MVB12B: variants seen among roughly 807,000 people sequenced by gnomAD.
The protein encoded by MVB12B is ESCRT-I complex subunit MVB12B.
In MVB12B, 16 loss-of-function variants were observed where a neutral mutation model predicts 41.6. That is an observed-to-expected ratio of 0.38 (90% CI 0.26 to 0.58). The LOEUF (loss-of-function observed/expected upper bound fraction) is 0.58. MVB12B is among the 20% of genes least tolerant of loss of function. MVB12B has a pLI of 0.62. For synonymous variants in MVB12B, 133 were observed against 139.7 expected (o/e 0.95, Z 0.34); for missense variants, 274 against 380.2 (o/e 0.72, Z 2.32).
At chr9:126,352,111 A>G (rs977793043) in intron 2 of MVB12B, among the ~76,000 whole-genome samples, 1 of 152,188 alleles carries the variant, frequency 6.6e-6, no homozygotes, top group Non-Finnish European at 1.5e-5. Flanking sequence ...CAGATTGTTA[A>G]GAATTTTTTT....
Position 126,451,203 on chromosome 9 carries a change from G to A in MVB12B, c.757+29255G>A, listed in dbSNP as rs575214658. Among the ~76,000 whole-genome samples, 9 of 152,328 alleles carry A rather than the reference G, an allele frequency of 5.9e-5. No individual in the cohort carries two copies. The South Asian group carries it at 1.5e-3, about 25-fold the overall frequency. ...GGGAGTCAGGCCCTTCACCATCTGG[G>A]CCTCAGCGTCTTTGACTGTAGAAAC... On this transcript the variant is annotated intron_variant, in intron 7 of 9. Transcript: ENST00000361171.
At chr9:126,421,095 C>T (rs1324194142) in intron 6 of MVB12B, among the ~76,000 whole-genome samples, 1 of 152,104 alleles carries the variant, frequency 6.6e-6, no homozygotes, top group Non-Finnish European at 1.5e-5. Flanking sequence ...TTCCTATTCG[C>T]TTAATTTTTC....
At position 126,424,819 on chromosome 9, in the gene MVB12B, C is replaced by T. The variant is rs78265631; in HGVS notation, c.757+2871C>T. ...CCACGGCCACAAAGCCAGCATCCAT[C>T]CTCACACTTGTCCTAGCAGTATCTC... On this transcript the variant is annotated intron_variant, in intron 7 of 9. Transcript: ENST00000361171. 4.6e-3 allele frequency among the ~76,000 whole-genome samples: 704 copies of T among 152,366 alleles called. 3 individuals carry two copies. The highest frequency in any genetic ancestry group is 0.016 in the African/African-American group (656 of 41,590).
At chr9:126,470,884 G>T (rs1474243785) in intron 7 of MVB12B, among the ~76,000 whole-genome samples, 1 of 152,146 alleles carries the variant, frequency 6.6e-6, no homozygotes, top group African/African-American at 2.4e-5. Flanking sequence ...GTAGAAAAAG[G>T]TCAACCGTGA....
At chr9:126,401,949 A>G (rs1472909001) in intron 6 of MVB12B, among the ~76,000 whole-genome samples, 1 of 152,234 alleles carries the variant, frequency 6.6e-6, no homozygotes, top group Non-Finnish European at 1.5e-5. Flanking sequence ...CCCAGATGAC[A>G]TGTCACCTGT....
intron 9 of MVB12B, among the ~76,000 whole-genome samples, chr9:126,487,716 G>A (rs1045640285): frequency 3.3e-5 from 5 of 149,934 alleles, no homozygotes; most frequent in African/African-American, 9.8e-5. Context: ...GCAGTGAGCC[G>A]AGATTGCACC....
intron 7 of MVB12B, among the ~76,000 whole-genome samples, chr9:126,470,964 G>T (rs563153662): frequency 6.6e-6 from 1 of 152,330 alleles, no homozygotes; most frequent in South Asian, 2.1e-4. Flanking sequence ...TTACTGAGCA[G>T]TTCGTTCGTA....
chr9:126,441,213 C>T (rs1348509584), intron 7 of MVB12B, among the ~76,000 whole-genome samples: 2 of 152,214 alleles, frequency 1.3e-5, no homozygotes, highest in South Asian at 2.1e-4. Flanking sequence ...GTGGCTGAAC[C>T]ATTAAGACAC....
chr9:126,409,117 G>C (rs976487226), intron 6 of MVB12B, among the ~76,000 whole-genome samples: 1 of 141,378 alleles, frequency 7.1e-6, no homozygotes, highest in East Asian at 1.9e-4. Flanking sequence ...TTCCATTGTG[G>C]GGGGGGGCTC....
intron 7 of MVB12B, among the ~76,000 whole-genome samples, chr9:126,469,289 G>C (rs898521965): frequency 1.3e-5 from 2 of 152,252 alleles, no homozygotes; most frequent in African/African-American, 2.4e-5. Context: ...CACTACCAAG[G>C]CTTGCTCTGA....
chr9:126,461,703 T>C (rs1833093898), intron 7 of MVB12B, among the ~76,000 whole-genome samples: 1 of 151,758 alleles, frequency 6.6e-6, no homozygotes, highest in Non-Finnish European at 1.5e-5. Context: ...GTAATAGACG[T>C]GGAGAGCCGT....
intron 6 of MVB12B, among the ~76,000 whole-genome samples, chr9:126,416,118 C>T (rs555517025): frequency 1.3e-5 from 2 of 152,230 alleles, no homozygotes; most frequent in Admixed American, 6.5e-5. Context: ...CATCCTGATG[C>T]AGAGGAAAGG....
At chr9:126,492,947 A>G (rs538741873) in intron 9 of MVB12B, among the ~76,000 whole-genome samples, 23 of 152,328 alleles carry the variant, frequency 1.5e-4, no homozygotes, top group African/African-American at 3.9e-4. Context: ...CTCTCTGCTC[A>G]GTTGTTTTCT....
chr9:126,408,240 C>A (rs952729804), intron 6 of MVB12B: 3 of 152,152 alleles, frequency 2.0e-5, no homozygotes, highest in African/African-American at 7.2e-5. Context: ...ATATGTCATC[C>A]GGCACCCGTG....
At position 126,421,839 on chromosome 9, in the gene MVB12B, C is replaced by T. The variant is rs770479088; in HGVS notation, c.663-15C>T. The stretch of plus-strand genomic sequence containing the variant: ...CTCCTTGTAATCTCCTTTCTCTCGT[C>T]CTTCTCTTCCTCAGGCACATCTCCC... On this transcript the variant is annotated splice_polypyrimidine_tract_variant and intron_variant, in intron 6 of 9. Coordinates refer to ENST00000361171, the MANE Select transcript of MVB12B (RefSeq NM_033446.3). The T allele has an allele frequency of 3.7e-6, 6 of 1,600,894 alleles. No homozygotes were observed. Among genetic ancestry groups the T allele is most frequent in the Non-Finnish European group, 5.1e-6 (6 of 1,167,902 alleles).
Position 126,505,512 on chromosome 9 carries a change from T to A in MVB12B, c.*2249T>A, listed in dbSNP as rs1025223329. The stretch of plus-strand genomic sequence containing the variant: ...CGGACTTAGCATAAGAGTAAATGAC[T>A]GTGAACGTTGTAGTAAACGGCAGCT... On this transcript the variant is annotated 3_prime_UTR_variant, in exon 10 of 10. Coordinates refer to ENST00000361171, the MANE Select transcript of MVB12B (RefSeq NM_033446.3). The A allele has an allele frequency of 1.3e-5, 2 of 152,246 alleles. No homozygotes were observed. The highest frequency in any genetic ancestry group is 4.8e-5 in the African/African-American group (2 of 41,458). 9.4% of individuals were successfully genotyped at this position (152,246 alleles called of 1,614,324 possible).
chr9:126,340,789 A>G lies in MVB12B; in HGVS notation c.204+159A>G, dbSNP rs780869303. On this transcript the variant is annotated intron_variant, in intron 2 of 9. Coordinates refer to ENST00000361171, the MANE Select transcript of MVB12B (RefSeq NM_033446.3). This position sits in a 1 kb window ranked among gnomAD's most constrained non-coding sequence, Gnocchi z 4.0. ...GAGAGCATCCTGGTTTGGGAGTCAG[A>G]AGACCTGAGCCCATCTGGGCCGTTT... Among the ~76,000 whole-genome samples, 2 of 152,154 alleles carry G rather than the reference A, an allele frequency of 1.3e-5. No individual in the cohort carries two copies. The highest frequency in any genetic ancestry group is 2.4e-5 in the African/African-American group (1 of 41,436).
intron 7 of MVB12B, among the ~76,000 whole-genome samples, chr9:126,467,085 C>T (rs1221567851): frequency 1.3e-5 from 2 of 152,154 alleles, no homozygotes; most frequent in Admixed American, 6.5e-5. Flanking sequence ...CTGCCCACCT[C>T]GGCCTGCCAA....
intron 7 of MVB12B, among the ~76,000 whole-genome samples, chr9:126,424,879 C>T (rs1214527107): frequency 6.6e-6 from 1 of 152,206 alleles, no homozygotes; most frequent in Non-Finnish European, 1.5e-5. Context: ...GATTTATCCA[C>T]AAGGATAAGC....
Sources: gnomAD v4.1 joint callset for allele counts (sites outside exome capture counted in the v4.1 genomes callset) on GRCh38, gnomAD v4.1.1 for gene constraint, Gnocchi (gnomAD v3.1) non-coding constraint, MANE v1.5 for transcripts, NCBI Gene and HGNC (gene_info 2026-07-23, HGNC 2026-07-21) for gene names.